The following SNRNP48 variants were observed in gnomAD, a reference collection of about 807,000 sequenced individuals.
The protein encoded by SNRNP48 is small nuclear ribonucleoprotein U11/U12 subunit 48, also known as U11/U12 small nuclear ribonucleoprotein 48 kDa protein.
In SNRNP48, 43 loss-of-function variants were observed where a neutral mutation model predicts 47.0. That is an observed-to-expected ratio of 0.92 (90% CI 0.72 to 1.18). The LOEUF (loss-of-function observed/expected upper bound fraction) is 1.18. Among genes scored for constraint, SNRNP48 ranks in the 50% most tolerant of loss-of-function variants. The pLI is 0.00. For synonymous variants in SNRNP48, 138 were observed against 144.0 expected (o/e 0.96, Z 0.30); for missense variants, 396 against 422.2 (o/e 0.94, Z 0.54).
intron 6 of SNRNP48, among the ~76,000 whole-genome samples, chr6:7,603,158 TTGAC>T (rs1385371182): frequency 2.6e-5 from 4 of 152,216 alleles, no homozygotes; most frequent in African/African-American, 7.2e-5. Flanking sequence ...GTTATGAGAA[TTGAC>T]TGACAGAATG....
chr6:7,608,775 T>C lies in SNRNP48; in HGVS notation c.972-50T>C, dbSNP rs780257554. The C allele has an allele frequency of 5.7e-6, 6 of 1,060,716 alleles. No individual in the cohort carries two copies. In the South Asian group the frequency reaches 8.5e-5, roughly 15 times the overall value. The allele number at this position is 1,060,716 out of a possible 1,614,324, so 65.7% of individuals were successfully genotyped here. A position where few individuals can be genotyped will look rare whatever the true frequency, so the allele number is the denominator to read the frequency against. Reference sequence around the variant, plus strand: ...GTTGAATTATTTTAAAGCTCTGATATTAAAATGTCCATCATTTATAACCAT... The same window carrying C: ...GTTGAATTATTTTAAAGCTCTGATACTAAAATGTCCATCATTTATAACCAT... On this transcript the variant is annotated intron_variant, in intron 8 of 8. Transcript: ENST00000342415.
chr6:7,590,558 G>C, intron 1 of SNRNP48, 145 bp downstream of exon 1: 1 of 983,030 alleles, frequency 1.0e-6, no homozygotes, highest in Non-Finnish European at 1.3e-6. Context: ...CCTGGGACCC[G>C]AGGGGCGCCG....
intron 1 of SNRNP48, among the ~76,000 whole-genome samples, chr6:7,592,020 G>A (rs150017231): frequency 2.0e-5 from 3 of 152,072 alleles, no homozygotes; most frequent in Non-Finnish European, 2.9e-5. Flanking sequence ...GGGGTAATAC[G>A]GATAACTGAA....
intron 6 of SNRNP48, among the ~76,000 whole-genome samples, chr6:7,604,183 G>A (rs1471645288): frequency 2.0e-5 from 3 of 152,218 alleles, no homozygotes; most frequent in African/African-American, 7.2e-5. Context: ...CTGACAGGGA[G>A]GCTTGTAGGC....
Position 7,590,240 on chromosome 6 carries a change from G to C in SNRNP48, c.-18G>C. 7.7e-7 allele frequency: 1 copy of C among 1,298,804 alleles called. No homozygotes were observed. 80.5% of individuals were successfully genotyped at this position (1,298,804 alleles called of 1,614,324 possible). On this transcript the variant is annotated 5_prime_UTR_variant, in exon 1 of 9. Coordinates refer to ENST00000342415, the MANE Select transcript of SNRNP48 (RefSeq NM_152551.4). ...GTCTGCAGTTCGGCCGCTTCCTCTT[G>C]GCGGGTGGGCTGCAGCTATGGAGGG...
intron 1 of SNRNP48, 115 bp downstream of exon 1, chr6:7,590,528 G>C: frequency 8.6e-7 from 1 of 1,156,800 alleles, no homozygotes; most frequent in Non-Finnish European, 1.1e-6. Context: ...CCTCGTCCGT[G>C]TGCAGAGCCG....
intron 4 of SNRNP48, among the ~76,000 whole-genome samples, chr6:7,598,457 T>C (rs942892276): frequency 4.6e-5 from 7 of 152,052 alleles, no homozygotes; most frequent in African/African-American, 1.7e-4. Context: ...ATGGCGCCAC[T>C]GCACTCCAGT....
rs575238524 is a variant in SNRNP48 at position 7,590,456 on chromosome 6, C to T, written c.156+43C>T. The T allele has an allele frequency of 6.1e-5, 77 of 1,267,890 alleles. No homozygotes were observed. In the South Asian group the frequency reaches 2.1e-3, roughly 34 times the overall value. 78.5% of individuals were successfully genotyped at this position (1,267,890 alleles called of 1,614,324 possible). A position where few individuals can be genotyped will look rare whatever the true frequency, so the allele number is the denominator to read the frequency against. On this transcript the variant is annotated intron_variant, in intron 1 of 8. Transcript: ENST00000342415. ...GGGGCCCTTTCGGGGACTATCGGCC[C>T]GGGGTCTTCTCTGGAAGAAGGGAGA...
intron 5 of SNRNP48, among the ~76,000 whole-genome samples, 160 bp from the exon 6 acceptor site, chr6:7,602,463 A>C (rs1375458604): frequency 6.6e-6 from 1 of 152,222 alleles, no homozygotes; most frequent in Non-Finnish European, 1.5e-5. Flanking sequence ...AAATGATATA[A>C]AACTTAGCCC....
In SNRNP48 at chr6:7,590,293, G is replaced by A. The variant is rs140872952; in HGVS notation, c.36G>A (p.Arg12=). 32 of 1,373,312 alleles carry A rather than the reference G, an allele frequency of 2.3e-5. No individual in the cohort carries two copies. Among genetic ancestry groups the A allele is most frequent in the Non-Finnish European group, 2.9e-5 (31 of 1,052,096 alleles). 85.1% of individuals were successfully genotyped at this position (1,373,312 alleles called of 1,614,324 possible). Residue 12 remains arginine, a synonymous_variant, in exon 1 of 9, where the codon CGG becomes CGA. Coordinates refer to ENST00000342415, the MANE Select transcript of SNRNP48 (RefSeq NM_152551.4). The stretch of plus-strand genomic sequence containing the variant: ...AGCCTCCACCTGTGGAGGAGCGGCG[G>A]CGGCTGCAGGAGGAGCTGAACGAGT... ...EGEPPPVEER[R]RLQEELNEFV...
Position 7,609,922 on chromosome 6 carries a change from C to G in SNRNP48, c.*1049C>G, listed in dbSNP as rs1400417611. On this transcript the variant is annotated 3_prime_UTR_variant, in exon 9 of 9. Transcript: ENST00000342415. ...ATACCCCCTTTCCCAATCAATTCCT[C>G]TACCCCTAGCCCTAGGCAGCCACAG... The G allele has an allele frequency of 6.6e-6, 1 of 152,080 alleles. No individual in the cohort carries two copies. Among genetic ancestry groups the G allele is most frequent in the Non-Finnish European group, 1.5e-5 (1 of 68,026 alleles). 9.4% of individuals were successfully genotyped at this position (152,080 alleles called of 1,614,324 possible).
intron 4 of SNRNP48, 195 bp from the exon 5 acceptor site, chr6:7,601,116 AACATCCATAATACATTTTTTTTTTT>A: frequency 2.5e-6 from 1 of 399,534 alleles, no homozygotes; most frequent in Admixed American, 5.3e-5. Flanking sequence ...GAGAATAGCA[AACATCCATAATACATTTTTTTTTTT>A]TTTGTGGATA....
chr6:7,607,175 G>A (rs1760143908), intron 8 of SNRNP48, among the ~76,000 whole-genome samples: 1 of 152,170 alleles, frequency 6.6e-6, no homozygotes. Context: ...AAGATTAGCC[G>A]GGTGTGGTGG....
At chr6:7,600,173 C>T (rs1168513606) in intron 4 of SNRNP48, 1 of 991,410 alleles carries the variant, frequency 1.0e-6, no homozygotes, top group Non-Finnish European at 1.2e-6. Flanking sequence ...TAAAAATGGC[C>T]ATATATTGTT....
chr6:7,602,576 T>A, intron 5 of SNRNP48, 47 bp from the exon 6 acceptor site: 1 of 1,396,538 alleles, frequency 7.2e-7, no homozygotes, highest in Non-Finnish European at 9.6e-7. Flanking sequence ...TTCATAGAAT[T>A]TAAAAGCTTT....
intron 6 of SNRNP48, among the ~76,000 whole-genome samples, chr6:7,603,920 T>A (rs1430126639): frequency 6.6e-6 from 1 of 152,234 alleles, no homozygotes; most frequent in Non-Finnish European, 1.5e-5. Flanking sequence ...GGTTTTATAG[T>A]TGATATTTTA....
chr6:7,593,755 T>C lies in SNRNP48; in HGVS notation c.178T>C (p.Tyr60His), dbSNP rs1759857102. Residue 60 changes from tyrosine to histidine, a missense_variant, in exon 2 of 9, where the codon TAC becomes CAC. Coordinates refer to ENST00000342415, the MANE Select transcript of SNRNP48 (RefSeq NM_152551.4). ...ATAGGATGAAGTTGTGATATGTCCA[T>C]ACGATTCCAATCATCACATGCCTAA... is the stretch of plus-strand genomic sequence containing the variant. ...AAEDEVVICP[Y>H]DSNHHMPKSS... 1.9e-6 allele frequency: 3 copies of C among 1,596,300 alleles called. 1 individual carries two copies. Among genetic ancestry groups the C allele is most frequent in the Non-Finnish European group, 2.6e-6 (3 of 1,172,560 alleles).
In SNRNP48 at chr6:7,590,221, A is replaced by G. The variant is rs1256749333; in HGVS notation, c.-37A>G. The G allele has an allele frequency of 1.4e-5, 18 of 1,279,578 alleles. No homozygotes were observed. The highest frequency in any genetic ancestry group is 1.7e-5 in the Non-Finnish European group (17 of 1,005,454). The allele number at this position is 1,279,578 out of a possible 1,614,324, so 79.3% of individuals were successfully genotyped here. ...CCAGAGGCCTGCGCGTGCGGTCTGC[A>G]GTTCGGCCGCTTCCTCTTGGCGGGT... On this transcript the variant is annotated 5_prime_UTR_variant, in exon 1 of 9. Coordinates refer to ENST00000342415, the MANE Select transcript of SNRNP48 (RefSeq NM_152551.4).
At chr6:7,608,742 G>GTATTACTGTTGAAAGTGGTA in intron 8 of SNRNP48, 83 bp from the exon 9 acceptor site, 1 of 722,772 alleles carries the variant, frequency 1.4e-6, no homozygotes, top group Non-Finnish European at 2.1e-6. Flanking sequence ...TGAAAGTGGT[G>GTATTACTGTTGAAAGTGGTA]TATTACTGTT....
Sources: allele counts gnomAD v4.1 joint callset (sites outside exome capture counted in the v4.1 genomes callset), GRCh38; gene constraint gnomAD v4.1.1; transcripts MANE v1.5; gene names NCBI Gene and HGNC (gene_info 2026-07-23, HGNC 2026-07-21).